The following NKAIN2 variants were observed in gnomAD, a reference collection of about 807,000 sequenced individuals.
NKAIN2 encodes sodium/potassium-transporting ATPase subunit beta-1-interacting protein 2.
Under a neutral mutation model 32.6 loss-of-function variants are expected in NKAIN2, and 14 were observed. The ratio of observed to expected loss-of-function variants is 0.43; its 90% CI spans 0.28 to 0.67. NKAIN2 has a LOEUF of 0.67. Ranked by LOEUF, NKAIN2 falls within the 30% of genes least tolerant of loss-of-function variation. NKAIN2 has a pLI of 0.17. For synonymous variants in NKAIN2, 80 were observed against 87.2 expected, an observed-to-expected ratio of 0.92 and a Z score of 0.46; for missense variants, 198 against 258.3, an observed-to-expected ratio of 0.77 and a Z score of 1.60.
intron 1 of NKAIN2, among the ~76,000 whole-genome samples, chr6:124,044,921 A>G (rs1389363721): frequency 6.6e-6 from 1 of 152,024 alleles, no homozygotes; most frequent in African/African-American, 2.4e-5. Flanking sequence ...TAGTCACTAT[A>G]AGGAAAATAA....
At chr6:124,066,341 T>G (rs1243664184) in intron 1 of NKAIN2, among the ~76,000 whole-genome samples, 1 of 152,184 alleles carries the variant, frequency 6.6e-6, no homozygotes, top group Non-Finnish European at 1.5e-5. Context: ...TTGCACCCAT[T>G]TTGTTCTCCT....
chr6:124,005,413 T>G (rs1461982438), intron 1 of NKAIN2, among the ~76,000 whole-genome samples: 2 of 151,660 alleles, frequency 1.3e-5, no homozygotes, highest in Non-Finnish European at 2.9e-5. Flanking sequence ...TAGAACCAGT[T>G]AATACATTTC....
At chr6:123,963,598 C>T (rs1046759348) in intron 1 of NKAIN2, among the ~76,000 whole-genome samples, 14 of 152,120 alleles carry the variant, frequency 9.2e-5, no homozygotes, top group African/African-American at 1.9e-4. Context: ...TACATTAATA[C>T]TTACACAATA....
At chr6:124,025,052 C>A (rs756220289) in intron 1 of NKAIN2, among the ~76,000 whole-genome samples, 1 of 151,994 alleles carries the variant, frequency 6.6e-6, no homozygotes, top group South Asian at 2.1e-4. Flanking sequence ...TACTACTATG[C>A]ATGCATTGTA....
chr6:124,173,758 T>C (rs1789016869), intron 1 of NKAIN2, among the ~76,000 whole-genome samples: 1 of 152,086 alleles, frequency 6.6e-6, no homozygotes, highest in Non-Finnish European at 1.5e-5. Context: ...TGTTATATAA[T>C]CATCATTTTT....
intron 3 of NKAIN2, among the ~76,000 whole-genome samples, chr6:124,607,864 T>C (rs1782554941): frequency 6.6e-6 from 1 of 152,164 alleles, no homozygotes; most frequent in African/African-American, 2.4e-5. Context: ...CCGTAAATTA[T>C]ATAAGACATT....
chr6:124,227,740 G>T (rs186010417), intron 1 of NKAIN2, among the ~76,000 whole-genome samples: 1 of 152,220 alleles, frequency 6.6e-6, no homozygotes, highest in East Asian at 1.9e-4. Context: ...CCAGGCCCAG[G>T]TATGACTTCT....
intron 1 of NKAIN2, among the ~76,000 whole-genome samples, chr6:124,014,182 C>T (rs548842895): frequency 6.6e-6 from 1 of 151,974 alleles, no homozygotes; most frequent in South Asian, 2.1e-4. Context: ...GAAAGCTTTT[C>T]AATGAATATT....
At chr6:124,035,704 T>C (rs1164063766) in intron 1 of NKAIN2, among the ~76,000 whole-genome samples, 1 of 152,168 alleles carries the variant, frequency 6.6e-6, no homozygotes, top group Non-Finnish European at 1.5e-5. Context: ...TCACTCTACT[T>C]CTGCTCAAAA....
chr6:123,859,578 AT>A, intron 1 of NKAIN2, among the ~76,000 whole-genome samples: 1 of 152,312 alleles, frequency 6.6e-6, no homozygotes. Context: ...GAGAAGGACC[AT>A]TTTAGCATGT....
chr6:124,752,541 A>G (rs958555372), intron 4 of NKAIN2, among the ~76,000 whole-genome samples: 6 of 148,890 alleles, frequency 4.0e-5, no homozygotes, highest in African/African-American at 1.5e-4. Flanking sequence ...ATATGTGGGT[A>G]TGTGTGTGTG....
At chr6:124,083,714 G>C (rs1784072427) in intron 1 of NKAIN2, among the ~76,000 whole-genome samples, 1 of 151,982 alleles carries the variant, frequency 6.6e-6, no homozygotes, top group African/African-American at 2.4e-5. Context: ...GTCTTGGTCT[G>C]TACAGTTAAA....
intron 4 of NKAIN2, among the ~76,000 whole-genome samples, chr6:124,714,019 T>A (rs555408033): frequency 6.6e-6 from 1 of 152,346 alleles, no homozygotes; most frequent in East Asian, 1.9e-4. Context: ...GCAGCATCCT[T>A]AAGACATTCT....
chr6:124,615,682 T>C (rs941993408), intron 3 of NKAIN2, among the ~76,000 whole-genome samples: 3 of 147,658 alleles, frequency 2.0e-5, no homozygotes, highest in Non-Finnish European at 4.5e-5. Context: ...AAATATTTTT[T>C]CTGACCCTTT....
At chr6:123,845,103 T>G (rs1251451489) in intron 1 of NKAIN2, among the ~76,000 whole-genome samples, 1 of 152,214 alleles carries the variant, frequency 6.6e-6, no homozygotes, top group East Asian at 1.9e-4. Flanking sequence ...GACAAATAGA[T>G]GTTGAAGTGC....
chr6:123,912,991 A>G (rs1775299606), intron 1 of NKAIN2, among the ~76,000 whole-genome samples: 1 of 152,210 alleles, frequency 6.6e-6, no homozygotes, highest in Non-Finnish European at 1.5e-5. Flanking sequence ...TAGGCTTCTT[A>G]GACATACCAT....
At chr6:123,829,330 C>G (rs765128665) in intron 1 of NKAIN2, 1 of 152,312 alleles carries the variant, frequency 6.6e-6, no homozygotes, top group Non-Finnish European at 1.5e-5. Context: ...GTCTATCTGA[C>G]AGCATCCTGT....
At chr6:124,757,259 C>CT (rs1778008946) in intron 4 of NKAIN2, among the ~76,000 whole-genome samples, 1 of 152,122 alleles carries the variant, frequency 6.6e-6, no homozygotes, top group South Asian at 2.1e-4. Context: ...TACATTTTTT[C>CT]CCACATTTCC....
intron 1 of NKAIN2, among the ~76,000 whole-genome samples, chr6:123,848,049 G>A (rs1035381307): frequency 1.1e-4 from 16 of 152,122 alleles, no homozygotes; most frequent in African/African-American, 2.7e-4. Flanking sequence ...ATTCTTTATC[G>A]AAAAGCCATC....
Sources: allele counts gnomAD v4.1 joint callset (sites outside exome capture counted in the v4.1 genomes callset), GRCh38; gene constraint gnomAD v4.1.1; transcripts MANE v1.5; gene names NCBI Gene and HGNC (gene_info 2026-07-23, HGNC 2026-07-21).